AFG1L: variants seen among roughly 807,000 people sequenced by gnomAD.
AFG1L encodes AFG1-like ATPase.
In AFG1L, 53 loss-of-function variants were observed where a neutral mutation model predicts 62.2. That is an observed-to-expected ratio of 0.85 (90% confidence interval 0.68 to 1.07). The LOEUF (loss-of-function observed/expected upper bound fraction) is 1.07. AFG1L is among the 50% of genes least tolerant of loss of function. The pLI is 0.00. For missense variants in AFG1L, 555 were observed against 590.5 expected (o/e 0.94, Z 0.62); for synonymous variants, 228 against 210.3 (o/e 1.08, Z -0.73).
At chr6:108,505,136 C>A (rs935385006) in intron 10 of AFG1L, among the ~76,000 whole-genome samples, 1 of 150,986 alleles carries the variant, frequency 6.6e-6, no homozygotes, top group African/African-American at 2.4e-5. Flanking sequence ...ACACTGTCAC[C>A]CAGGCTGGAG....
intron 2 of AFG1L, among the ~76,000 whole-genome samples, chr6:108,326,071 C>A (rs1313211772): frequency 6.6e-6 from 1 of 152,128 alleles, no homozygotes; most frequent in African/African-American, 2.4e-5. Context: ...GCCACTGTGC[C>A]TGGCCTATTT....
chr6:108,392,258 G>A (rs1781088423), intron 6 of AFG1L: 1 of 152,124 alleles, frequency 6.6e-6, no homozygotes, highest in Admixed American at 6.5e-5. Context: ...TGTCCTCATG[G>A]GTGGCAGAGA....
intron 6 of AFG1L, among the ~76,000 whole-genome samples, chr6:108,388,363 T>C (rs552475973): frequency 7.0e-4 from 106 of 152,132 alleles, no homozygotes; most frequent in African/African-American, 2.5e-3. Flanking sequence ...GGGTTTTTTG[T>C]GTCTCTATTT....
chr6:108,485,317 A>T (rs1403679155), intron 10 of AFG1L, among the ~76,000 whole-genome samples: 2 of 152,112 alleles, frequency 1.3e-5, no homozygotes, highest in Non-Finnish European at 2.9e-5. Flanking sequence ...TCATGTTGTT[A>T]GCTGAAATGG....
chr6:108,462,915 AATCT>A (rs1772516857), intron 8 of AFG1L, among the ~76,000 whole-genome samples: 1 of 152,222 alleles, frequency 6.6e-6, no homozygotes, highest in African/African-American at 2.4e-5. Context: ...ACTGAAGATC[AATCT>A]GCTGCATAAG....
chr6:108,451,119 A>C (rs1772036444), intron 8 of AFG1L, among the ~76,000 whole-genome samples: 1 of 152,128 alleles, frequency 6.6e-6, no homozygotes, highest in African/African-American at 2.4e-5. Context: ...TGGAGCCCCA[A>C]CTGCCAGAAA....
At chr6:108,324,680 G>A (rs1029283090) in intron 2 of AFG1L, among the ~76,000 whole-genome samples, 7 of 151,042 alleles carry the variant, frequency 4.6e-5, no homozygotes, top group Non-Finnish European at 1.0e-4. Flanking sequence ...CTTGGGTGGG[G>A]TCCTTTCAGG....
intron 1 of AFG1L, among the ~76,000 whole-genome samples, chr6:108,306,718 A>C (rs561568824): frequency 2.0e-5 from 3 of 152,290 alleles, no homozygotes; most frequent in Non-Finnish European, 2.9e-5. Context: ...GCTGTCGGTC[A>C]AGTCTCACAA....
intron 10 of AFG1L, among the ~76,000 whole-genome samples, chr6:108,488,553 G>C (rs1205750964): frequency 6.6e-6 from 1 of 151,944 alleles, no homozygotes; most frequent in African/African-American, 2.4e-5. Flanking sequence ...ATGTTTCTGG[G>C]GAAAACACAA....
Position 108,417,889 on chromosome 6 carries a change from A to T in AFG1L, c.807+15835A>T, listed in dbSNP as rs76840563. On this transcript the variant is annotated intron_variant, in intron 7 of 12. Coordinates refer to ENST00000368977, the MANE Select transcript of AFG1L (RefSeq NM_145315.5). Reference sequence around the variant, plus strand: ...CACTCTGTCGCCCAGGCTGGAGTGCAGTGGTGCAATCTCGGCTCACTGCAA... The same window carrying T: ...CACTCTGTCGCCCAGGCTGGAGTGCTGTGGTGCAATCTCGGCTCACTGCAA... 2.2e-3 allele frequency among the ~76,000 whole-genome samples: 339 copies of T among 152,226 alleles called. 9 individuals carry two copies. In the East Asian group the frequency reaches 0.06, roughly 27 times the overall value.
At chr6:108,505,345 G>C (rs1302776721) in intron 10 of AFG1L, among the ~76,000 whole-genome samples, 2 of 152,040 alleles carry the variant, frequency 1.3e-5, no homozygotes, top group African/African-American at 4.8e-5. Flanking sequence ...ACTCGCCTCG[G>C]CCTCCCAAAG....
intron 2 of AFG1L, among the ~76,000 whole-genome samples, chr6:108,345,267 C>T (rs1021762120): frequency 6.6e-6 from 1 of 151,836 alleles, no homozygotes; most frequent in African/African-American, 2.4e-5. Context: ...ATTGAAGAGA[C>T]AATTTCTTTC....
intron 3 of AFG1L, among the ~76,000 whole-genome samples, chr6:108,349,918 A>AAAAT (rs1779015763): frequency 6.6e-6 from 1 of 151,544 alleles, no homozygotes; most frequent in Admixed American, 6.6e-5. Flanking sequence ...CCCTATCTTA[A>AAAAT]AAATAAATAA....
At chr6:108,498,806 C>T (rs143827201) in intron 10 of AFG1L, among the ~76,000 whole-genome samples, 4 of 152,002 alleles carry the variant, frequency 2.6e-5, no homozygotes, top group Non-Finnish European at 4.4e-5. Context: ...GAAACCCTGT[C>T]TCTACTAAAA....
chr6:108,416,992 C>G (rs957842390), intron 7 of AFG1L, among the ~76,000 whole-genome samples: 4 of 151,842 alleles, frequency 2.6e-5, no homozygotes, highest in Non-Finnish European at 4.4e-5. Context: ...AATCCCAGTG[C>G]TTTGGGAGAC....
intron 7 of AFG1L, among the ~76,000 whole-genome samples, chr6:108,433,732 A>G (rs1267673542): frequency 6.6e-6 from 1 of 151,924 alleles, no homozygotes; most frequent in African/African-American, 2.4e-5. Context: ...AGCTGGGATT[A>G]CAGGCACAAG....
At chr6:108,466,151 G>A (rs962511488) in intron 8 of AFG1L, among the ~76,000 whole-genome samples, 1 of 152,174 alleles carries the variant, frequency 6.6e-6, no homozygotes, top group East Asian at 1.9e-4. Context: ...GATGGAAAAT[G>A]CCAAGTATTG....
At chr6:108,340,460 T>A (rs143547486) in intron 2 of AFG1L, among the ~76,000 whole-genome samples, 2 of 151,936 alleles carry the variant, frequency 1.3e-5, no homozygotes, top group Non-Finnish European at 2.9e-5. Context: ...ATCTCCCAAT[T>A]TCAAGCGATT....
intron 7 of AFG1L, among the ~76,000 whole-genome samples, chr6:108,429,236 C>T (rs867729602): frequency 2.6e-5 from 4 of 152,078 alleles, no homozygotes; most frequent in Non-Finnish European, 5.9e-5. Flanking sequence ...AAGACATACC[C>T]GAGACTAGGT....
Sources: allele counts gnomAD v4.1 joint callset (sites outside exome capture counted in the v4.1 genomes callset), GRCh38; gene constraint gnomAD v4.1.1; transcripts MANE v1.5; gene names NCBI Gene and HGNC (gene_info 2026-07-23, HGNC 2026-07-21).